ABI3BP: variants seen among roughly 807,000 people sequenced by gnomAD.
The protein encoded by ABI3BP is target of Nesh-SH3.
A neutral mutation model predicts 268.6 loss-of-function variants in ABI3BP; 216 were observed. That is an observed-to-expected ratio of 0.80 (90% CI 0.72 to 0.90). ABI3BP has a LOEUF of 0.90. Ranked by LOEUF, ABI3BP falls within the 40% of genes least tolerant of loss-of-function variation. The pLI is 0.00. For missense variants in ABI3BP, 2,090 were observed against 2,182.4 expected (o/e 0.96, Z 0.84); for synonymous variants, 730 against 730.0 (o/e 1.00, Z 0.00).
At chr3:100,882,286 T>A (rs2039691078) in intron 6 of ABI3BP, among the ~76,000 whole-genome samples, 1 of 152,130 alleles carries the variant, frequency 6.6e-6, no homozygotes, top group Admixed American at 6.5e-5. Flanking sequence ...GGGTATACAC[T>A]TCTTTGGACT....
At chr3:100,857,602 T>G (rs144726081) in intron 14 of ABI3BP, among the ~76,000 whole-genome samples, 36 of 152,294 alleles carry the variant, frequency 2.4e-4, no homozygotes, top group African/African-American at 8.7e-4. Context: ...ATGGCCCCAG[T>G]AATAACATTT....
intron 10 of ABI3BP, 112 bp downstream of exon 10, chr3:100,866,767 T>C: frequency 2.3e-6 from 2 of 882,350 alleles, no homozygotes; most frequent in Non-Finnish European, 3.5e-6. Flanking sequence ...TTTGCATTTA[T>C]GATCAAAATG....
Position 100,900,878 on chromosome 3 carries a change from T to A in ABI3BP, c.328+1740A>T, listed in dbSNP as rs528025182. Among the ~76,000 whole-genome samples the A allele has an allele frequency of 2.6e-5, 4 of 152,272 alleles. No individual in the cohort carries two copies. In the South Asian group the frequency reaches 8.3e-4, roughly 32 times the overall value. ...AATTTCTAAGGCTAGTGTCATAGAA[T>A]CCTCAAAATAAAATGAAGTTATAAA... On this transcript the variant is annotated intron_variant, in intron 3 of 67. Transcript: ENST00000471714.
Position 100,886,254 on chromosome 3 carries a change from A to C in ABI3BP, c.531T>G (p.Thr177=), listed in dbSNP as rs1400540321. ...GCTTTAGGTTTTCCACAATTGTTTC[A>C]GTGGCTGGACAGATTTGAAAAATCC... ...KKWIFQICPA[T]ETIVENLKPN... Residue 177 remains threonine (T), a synonymous_variant, in exon 5 of 68, where the codon ACT becomes ACG. Coordinates refer to ENST00000471714, the MANE Select transcript of ABI3BP (RefSeq NM_001375547.2). 4.3e-6 allele frequency: 7 copies of C among 1,610,954 alleles called. No individual in the cohort carries two copies. Among genetic ancestry groups the C allele is most frequent in the Non-Finnish European group, 4.2e-6 (5 of 1,178,320 alleles).
intron 1 of ABI3BP, among the ~76,000 whole-genome samples, chr3:100,968,603 A>C (rs965371909): frequency 2.0e-5 from 3 of 152,246 alleles, no homozygotes; most frequent in African/African-American, 4.8e-5. Context: ...ACTGAAAAGT[A>C]ACTTGAAGAT....
At chr3:100,807,631 A>G (rs2097751034) in intron 50 of ABI3BP, among the ~76,000 whole-genome samples, 1 of 151,964 alleles carries the variant, frequency 6.6e-6, no homozygotes, top group South Asian at 2.1e-4. Context: ...TGAGTGAAAT[A>G]TTTGTGGTGG....
At chr3:100,985,189 G>A (rs916688249) in intron 1 of ABI3BP, among the ~76,000 whole-genome samples, 15 of 120,210 alleles carry the variant, frequency 1.2e-4, no homozygotes, top group African/African-American at 4.6e-4. Flanking sequence ...TTGCTCTGTC[G>A]CCCAGGCTGG....
intron 63 of ABI3BP, among the ~76,000 whole-genome samples, chr3:100,763,342 A>G (rs2096078462): frequency 6.6e-6 from 1 of 151,940 alleles, no homozygotes; most frequent in Non-Finnish European, 1.5e-5. Flanking sequence ...AGGTGCCCGT[A>G]ATCCCAGCTA....
chr3:100,755,417 G>T (rs2095564493), intron 63 of ABI3BP, among the ~76,000 whole-genome samples: 1 of 152,166 alleles, frequency 6.6e-6, no homozygotes, highest in Non-Finnish European at 1.5e-5. Flanking sequence ...GTCTTCTGTG[G>T]ATCACAGGAT....
In ABI3BP at chr3:100,750,019, G is replaced by A. The variant is rs934026291; in HGVS notation, c.*476C>T. The A allele has an allele frequency of 5.1e-5, 16 of 313,020 alleles. No individual in the cohort carries two copies. Among genetic ancestry groups the A allele is most frequent in the Admixed American group, 2.0e-4 (4 of 20,286 alleles). The allele number at this position is 313,020 out of a possible 1,614,324, so 19.4% of individuals were successfully genotyped here. On this transcript the variant is annotated 3_prime_UTR_variant, in exon 68 of 68. Coordinates refer to ENST00000471714, the MANE Select transcript of ABI3BP (RefSeq NM_001375547.2). ...AGTTTAAATATAAATGTGAAAATTC[G>A]GACCTTTTTTCCCCAGATATACATG... is the stretch of plus-strand genomic sequence containing the variant.
At chr3:100,848,743 G>C in intron 18 of ABI3BP, 58 bp downstream of exon 18, 2 of 1,546,714 alleles carry the variant, frequency 1.3e-6, no homozygotes, top group Non-Finnish European at 1.8e-6. Flanking sequence ...CTTACTATAA[G>C]AAAATGGACA....
At chr3:100,753,726 A>C in intron 65 of ABI3BP, 93 bp downstream of exon 65, 1 of 1,444,440 alleles carries the variant, frequency 6.9e-7, no homozygotes, top group South Asian at 1.2e-5. Flanking sequence ...TAAGTGGAAA[A>C]ACGCGAAATC....
chr3:100,886,197 G>T lies in ABI3BP; in HGVS notation c.588C>A (p.Asp196Glu). ...PNTVYEFGVK[D>E]NVEGGIWSKI... ...TACTCCAAATTCCACCTTCCACATT[G>T]TCTTTCACTCCAAATTCATAAACTG... The change falls in exon 5 of 68, where the codon GAC becomes GAA. Residue 196 changes from aspartate to glutamate, a missense_variant. By Grantham distance (45) the Asp-to-Glu change is conservative. Transcript: ENST00000471714. 2 of 1,606,658 alleles carry T rather than the reference G, an allele frequency of 1.2e-6. No individual in the cohort carries two copies. Among genetic ancestry groups the T allele is most frequent in the Non-Finnish European group, 1.7e-6 (2 of 1,176,310 alleles).
chr3:100,841,980 T>G lies in ABI3BP; in HGVS notation c.1765+18A>C. ...TTAAAGATACTTTGTTTTCACTCAT[T>G]AAAAAAAGCTTTATTACCTATTGTT... On this transcript the variant is annotated intron_variant, in intron 21 of 67. Coordinates refer to ENST00000471714, the MANE Select transcript of ABI3BP (RefSeq NM_001375547.2). 1 of 1,522,824 alleles carries G rather than the reference T, an allele frequency of 6.6e-7. No homozygotes were observed. Among genetic ancestry groups the G allele is most frequent in the South Asian group, 1.2e-5 (1 of 83,690 alleles). 94.3% of individuals were successfully genotyped at this position (1,522,824 alleles called of 1,614,324 possible).
In ABI3BP at chr3:100,750,247, G is replaced by A; in HGVS notation, c.*248C>T. On this transcript the variant is annotated 3_prime_UTR_variant, in exon 68 of 68. Transcript: ENST00000471714. ...TACAAATGATCTCTTAAAATACCAT[G>A]AATAGGGAGCCAGCTTCCCCAAAAA... is the stretch of plus-strand genomic sequence containing the variant. The A allele has an allele frequency of 2.8e-6, 1 of 352,002 alleles. No homozygotes were observed. Among genetic ancestry groups the A allele is most frequent in the Non-Finnish European group, 5.1e-6 (1 of 195,778 alleles). 21.8% of individuals were successfully genotyped at this position (352,002 alleles called of 1,614,324 possible).
intron 1 of ABI3BP, among the ~76,000 whole-genome samples, chr3:100,985,949 G>A (rs2091633771): frequency 6.6e-6 from 1 of 152,168 alleles, no homozygotes; most frequent in South Asian, 2.1e-4. Flanking sequence ...TGAGCTCTTT[G>A]TGGTGGATAG....
In ABI3BP at chr3:100,926,432, G is replaced by A. The variant is rs543789550; in HGVS notation, c.129C>T (p.Ile43=). ...KVHINTTSDS[I]LLKFLRPSPN... ...GACTTGGACGCAAGAACTTCAAGAGGATGGAGTCACTTGTGGTATTGATGT... is the reference window on the plus strand; with the variant it reads ...GACTTGGACGCAAGAACTTCAAGAGAATGGAGTCACTTGTGGTATTGATGT... The change falls in exon 2 of 68, where the codon ATC becomes ATT. Residue 43 remains isoleucine (I), a synonymous_variant. Coordinates refer to ENST00000471714, the MANE Select transcript of ABI3BP (RefSeq NM_001375547.2). 1 of 1,613,442 alleles carries A rather than the reference G, an allele frequency of 6.2e-7. No homozygotes were observed. Among genetic ancestry groups the A allele is most frequent in the African/African-American group, 1.3e-5 (1 of 75,012 alleles).
intron 1 of ABI3BP, among the ~76,000 whole-genome samples, chr3:100,929,366 G>A (rs747482958): frequency 7.9e-4 from 120 of 152,120 alleles, no homozygotes; most frequent in Non-Finnish European, 9.3e-4. Context: ...CACCTCCTGT[G>A]CACAGGACTT....
chr3:100,816,854 G>A, intron 42 of ABI3BP, 86 bp from the exon 43 acceptor site: 2 of 878,456 alleles, frequency 2.3e-6, no homozygotes, highest in Middle Eastern at 2.2e-4. Context: ...ATATTTCCTT[G>A]AGATTTAAGT....
Sources: gnomAD v4.1 joint callset for allele counts (sites outside exome capture counted in the v4.1 genomes callset) on GRCh38, gnomAD v4.1.1 for gene constraint, MANE v1.5 for transcripts, NCBI Gene and HGNC (gene_info 2026-07-23, HGNC 2026-07-21) for gene names.